PATJ: variants seen among roughly 807,000 people sequenced by gnomAD.
PATJ encodes the protein inaD-like protein.
Under a neutral mutation model 224.9 loss-of-function variants are expected in PATJ, and 190 were observed. The ratio of observed to expected loss-of-function variants is 0.84; its 90% CI spans 0.75 to 0.95. The LOEUF is 0.95. Among genes scored for constraint, PATJ ranks in the 40% least tolerant of loss-of-function variants. The pLI, the probability that PATJ is intolerant of heterozygous loss-of-function variation, is 0.00. For synonymous variants in PATJ, 769 were observed against 820.3 expected (o/e 0.94, Z 1.07); for missense variants, 2,121 against 2,270.3 (o/e 0.93, Z 1.34).
chr1:61,876,635 T>C (rs79672703), intron 21 of PATJ, among the ~76,000 whole-genome samples: 6,611 of 152,220 alleles, frequency 0.043, 185 homozygotes, highest in Non-Finnish European at 0.058. Flanking sequence ...CTCCCAGTAA[T>C]GATGAAAATC....
chr1:62,149,211 C>T lies in PATJ; in HGVS notation c.5378+821C>T, dbSNP rs866738154. On this transcript the variant is annotated intron_variant, in intron 42 of 43. Transcript: ENST00000642238. ...CCCAGGCCACATCCCAAAATTCTGACTAGGTGGTCTGTGGTGGATTCCAGA... is the reference window on the plus strand; with the variant it reads ...CCCAGGCCACATCCCAAAATTCTGATTAGGTGGTCTGTGGTGGATTCCAGA... 9.9e-5 allele frequency among the ~76,000 whole-genome samples: 15 copies of T among 151,218 alleles called. 1 individual carries two copies. The highest frequency in any genetic ancestry group is 2.9e-4 in the African/African-American group (12 of 41,096).
intron 33 of PATJ, among the ~76,000 whole-genome samples, chr1:62,104,322 G>A (rs1310868010): frequency 6.6e-6 from 1 of 152,086 alleles, no homozygotes; most frequent in Non-Finnish European, 1.5e-5. Context: ...TATTCACAAA[G>A]TAGATGCATA....
intron 20 of PATJ, among the ~76,000 whole-genome samples, chr1:61,869,443 C>T (rs936603998): frequency 8.5e-5 from 13 of 152,064 alleles, no homozygotes; most frequent in Admixed American, 6.6e-5. Flanking sequence ...ATTGCCATTC[C>T]TCAAGAGGGC....
At chr1:62,105,652 G>A (rs555665301) in intron 33 of PATJ, among the ~76,000 whole-genome samples, 2 of 152,202 alleles carry the variant, frequency 1.3e-5, no homozygotes, top group East Asian at 3.9e-4. Flanking sequence ...TTAAAACAAA[G>A]AAAGGTCTAA....
intron 27 of PATJ, among the ~76,000 whole-genome samples, chr1:61,964,013 T>C (rs1456057475): frequency 6.6e-6 from 1 of 152,146 alleles, no homozygotes; most frequent in African/African-American, 2.4e-5. Flanking sequence ...GTAATAACTG[T>C]TTTGTCACAG....
chr1:61,842,395 AAG>A (rs1422423307), intron 17 of PATJ, among the ~76,000 whole-genome samples: 2 of 152,200 alleles, frequency 1.3e-5, no homozygotes, highest in East Asian at 1.9e-4. Context: ...GTGGGGGCGA[AAG>A]AGAATAACAG....
At chr1:62,067,264 C>CT (rs1656650358) in intron 31 of PATJ, among the ~76,000 whole-genome samples, 1 of 151,350 alleles carries the variant, frequency 6.6e-6, no homozygotes, top group South Asian at 2.1e-4. Context: ...GTAGCTGGGA[C>CT]TACAGGCACA....
intron 27 of PATJ, 81 bp downstream of exon 27, chr1:61,927,910 A>G: frequency 2.0e-6 from 2 of 1,007,560 alleles, no homozygotes; most frequent in East Asian, 2.5e-5. Flanking sequence ...TATCAAATAT[A>G]TGGCTGTGAG....
At chr1:61,757,465 G>A (rs1645714134) in intron 1 of PATJ, among the ~76,000 whole-genome samples, 1 of 151,986 alleles carries the variant, frequency 6.6e-6, no homozygotes, top group Non-Finnish European at 1.5e-5. Flanking sequence ...GCTCACTGCA[G>A]CCTCAACCTT....
At chr1:61,971,923 A>G (rs1683035249) in intron 27 of PATJ, among the ~76,000 whole-genome samples, 1 of 151,910 alleles carries the variant, frequency 6.6e-6, no homozygotes, top group African/African-American at 2.4e-5. Flanking sequence ...CGGGAGGTTG[A>G]GGCTGCAGTG....
At chr1:62,076,107 TC>T (rs893028525) in intron 31 of PATJ, among the ~76,000 whole-genome samples, 1 of 152,108 alleles carries the variant, frequency 6.6e-6, no homozygotes, top group African/African-American at 2.4e-5. Context: ...GGGATGTGGA[TC>T]CCAGGCAAGT....
At chr1:62,038,863 C>T (rs1016922832) in intron 30 of PATJ, 9 of 759,182 alleles carry the variant, frequency 1.2e-5, no homozygotes, top group East Asian at 2.6e-5. Flanking sequence ...CTTGGAGCAG[C>T]GCATAGAAGA....
intron 27 of PATJ, among the ~76,000 whole-genome samples, chr1:61,987,872 T>G (rs1644847951): frequency 6.6e-6 from 1 of 152,202 alleles, no homozygotes; most frequent in African/African-American, 2.4e-5. Flanking sequence ...CCAAAACATC[T>G]TTTCTAGCCA....
intron 14 of PATJ, among the ~76,000 whole-genome samples, chr1:61,810,117 T>C (rs1654417498): frequency 6.6e-6 from 1 of 151,984 alleles, no homozygotes; most frequent in South Asian, 2.1e-4. Context: ...CCCAGAGTGC[T>C]GGGATTACAG....
intron 28 of PATJ, among the ~76,000 whole-genome samples, chr1:62,014,838 A>C (rs1374837358): frequency 1.3e-5 from 2 of 152,100 alleles, no homozygotes; most frequent in African/African-American, 4.8e-5. Context: ...AAGTGCTAGG[A>C]TTACAGCTGT....
chr1:62,092,470 A>ATTT (rs776199993), intron 33 of PATJ, among the ~76,000 whole-genome samples: 3 of 143,932 alleles, frequency 2.1e-5, no homozygotes, highest in South Asian at 4.4e-4. Flanking sequence ...CAGAGTTGGA[A>ATTT]TTTTTTTTTT....
chr1:61,795,913 T>C (rs190224324), intron 10 of PATJ, among the ~76,000 whole-genome samples: 158 of 152,252 alleles, frequency 1.0e-3, no homozygotes, highest in Middle Eastern at 3.4e-3. Flanking sequence ...AACCAGCTCT[T>C]TCTATCTTTT....
intron 27 of PATJ, among the ~76,000 whole-genome samples, chr1:61,977,329 A>G (rs1644193238): frequency 6.6e-6 from 1 of 152,050 alleles, no homozygotes; most frequent in Non-Finnish European, 1.5e-5. Context: ...GCCTCAAGTA[A>G]TTGGCCCACC....
intron 28 of PATJ, among the ~76,000 whole-genome samples, chr1:61,994,202 A>G (rs140788006): frequency 6.6e-6 from 1 of 152,248 alleles, no homozygotes; most frequent in African/African-American, 2.4e-5. Flanking sequence ...TGCATCTGTC[A>G]TATAGCAGGT....
Sources: allele counts gnomAD v4.1 joint callset (sites outside exome capture counted in the v4.1 genomes callset), GRCh38; gene constraint gnomAD v4.1.1; transcripts MANE v1.5; gene names NCBI Gene and HGNC (gene_info 2026-07-23, HGNC 2026-07-21).